PISD: variants seen among roughly 807,000 people sequenced by gnomAD.
The protein encoded by PISD is phosphatidylserine decarboxylase.
PISD carries 31 observed loss-of-function variants against 43.5 expected under a neutral mutation model. The observed-to-expected ratio is 0.71, with a 90% CI of 0.54 to 0.96. The LOEUF is 0.96. Among genes scored for constraint, PISD ranks in the 40% least tolerant of loss-of-function variants. The pLI is 0.00. For synonymous variants in PISD, 259 were observed against 228.7 expected, an observed-to-expected ratio of 1.13 and a Z score of -1.20; for missense variants, 523 against 548.4, an observed-to-expected ratio of 0.95 and a Z score of 0.46.
At chr22:31,656,538 A>G (rs1409276897) in intron 1 of PISD, among the ~76,000 whole-genome samples, 1 of 151,558 alleles carries the variant, frequency 6.6e-6, no homozygotes, top group East Asian at 1.9e-4. Context: ...AGTCCCAGCT[A>G]CTCAGGACGC....
chr22:31,647,461 T>C (rs1342817216), intron 3 of PISD, among the ~76,000 whole-genome samples: 1 of 152,204 alleles, frequency 6.6e-6, no homozygotes, highest in Non-Finnish European at 1.5e-5. Flanking sequence ...GACCTATTAC[T>C]GGTCCTTTGA....
intron 3 of PISD, among the ~76,000 whole-genome samples, chr22:31,627,480 A>C (rs2072971511): frequency 6.6e-6 from 1 of 152,208 alleles, no homozygotes; most frequent in East Asian, 1.9e-4. Flanking sequence ...CTGGCCCACC[A>C]GGCTCCATGC....
intron 3 of PISD, among the ~76,000 whole-genome samples, chr22:31,625,027 T>C (rs2072823540): frequency 6.6e-6 from 1 of 152,138 alleles, no homozygotes; most frequent in African/African-American, 2.4e-5. Flanking sequence ...CAGGTCTCAG[T>C]TTCCTCATCT....
intron 3 of PISD, chr22:31,623,549 C>G (rs949475569): frequency 2.2e-6 from 2 of 922,194 alleles, no homozygotes; most frequent in Non-Finnish European, 3.2e-6. Flanking sequence ...AATGAACCTT[C>G]CGACCCGGAC....
intron 2 of PISD, among the ~76,000 whole-genome samples, chr22:31,650,200 G>C (rs535102561): frequency 1.3e-5 from 2 of 152,096 alleles, no homozygotes; most frequent in Non-Finnish European, 2.9e-5. Flanking sequence ...TAATGAGGCC[G>C]GGCACGGTGG....
chr22:31,648,176 C>T lies in PISD; in HGVS notation c.246G>A (p.Gln82=), dbSNP rs755574124. The T allele has an allele frequency of 1.2e-6, 2 of 1,612,616 alleles. No homozygotes were observed. Among genetic ancestry groups the T allele is most frequent in the South Asian group, 2.2e-5 (2 of 91,024 alleles). The change falls in exon 3 of 8, where the codon CAG becomes CAA. Residue 82 remains glutamine, a synonymous_variant. Coordinates refer to ENST00000439502, the MANE Select transcript of PISD (RefSeq NM_001326411.2). ...GCTCTCGCTCCCTGTACTTCTCATACTGCCGGTACCCTGCATACCCGCCGC... is the reference window on the plus strand; with the variant it reads ...GCTCTCGCTCCCTGTACTTCTCATATTGCCGGTACCCTGCATACCCGCCGC... ...VTGGGYAGYR[Q]YEKYRERELE...
rs57244207 is a variant in PISD, at chr22:31,618,708, TA to T, written c.*903del. On this transcript the variant is annotated 3_prime_UTR_variant, in exon 8 of 8. Coordinates refer to ENST00000439502, the MANE Select transcript of PISD (RefSeq NM_001326411.2). ...GGGCTCCCCAGGCCTGCGTTCCTGATAAACTGGGACAGGTTTTCCAGGCACT... is the reference window on the plus strand; with the variant it reads ...GGGCTCCCCAGGCCTGCGTTCCTGATAACTGGGACAGGTTTTCCAGGCACT... 0.069 allele frequency: 20,638 copies of T among 297,818 alleles called. 891 individuals are homozygous for T. The highest frequency in any genetic ancestry group is 0.14 in the African/African-American group (6,606 of 46,218). The allele number at this position is 297,818 out of a possible 1,614,324, so 18.4% of individuals were successfully genotyped here.
chr22:31,649,604 G>A (rs1306335440), intron 2 of PISD, among the ~76,000 whole-genome samples: 2 of 152,016 alleles, frequency 1.3e-5, no homozygotes, highest in Non-Finnish European at 2.9e-5. Context: ...ATGGTGGTGG[G>A]TGCCTGTAGC....
chr22:31,642,854 G>A (rs1306257557), intron 3 of PISD, among the ~76,000 whole-genome samples: 1 of 147,946 alleles, frequency 6.8e-6, no homozygotes, highest in Non-Finnish European at 1.5e-5. Flanking sequence ...TGTAATCCCA[G>A]CACTTTGGGA....
chr22:31,622,166 C>T (rs1004183754), intron 3 of PISD, among the ~76,000 whole-genome samples: 1 of 152,230 alleles, frequency 6.6e-6, no homozygotes, highest in African/African-American at 2.4e-5. Flanking sequence ...GAACGGGAGA[C>T]GCCCAGCAGT....
chr22:31,629,141 G>A (rs2073065291), intron 3 of PISD: 10 of 985,132 alleles, frequency 1.0e-5, no homozygotes, highest in South Asian at 9.4e-5. Flanking sequence ...CCCCCCCAGT[G>A]GAATGGAACA....
At chr22:31,648,041 G>A in intron 3 of PISD, 60 bp downstream of exon 3, 1 of 1,432,862 alleles carries the variant, frequency 7.0e-7, no homozygotes, top group Non-Finnish European at 9.6e-7. Context: ...GGAACAACTG[G>A]AAAAGTGACA....
chr22:31,662,311 G>T (rs1190959713), upstream of PISD: 2 of 1,225,202 alleles, frequency 1.6e-6, no homozygotes, highest in African/African-American at 2.9e-5. Flanking sequence ...AAAAGCGCGG[G>T]TTGGGGGCGG....
At chr22:31,641,778 C>A (rs1379177406) in intron 3 of PISD, among the ~76,000 whole-genome samples, 1 of 151,078 alleles carries the variant, frequency 6.6e-6, no homozygotes, top group African/African-American at 2.5e-5. Flanking sequence ...TGAGATCGCG[C>A]CACTGCACTC....
intron 3 of PISD, chr22:31,628,870 C>T: frequency 4.1e-6 from 4 of 985,446 alleles, no homozygotes; most frequent in Non-Finnish European, 4.8e-6. Context: ...TCCAAAAAGT[C>T]AACCTCACAC....
At chr22:31,661,771 T>C (rs548324348) in intron 1 of PISD, among the ~76,000 whole-genome samples, 1 of 152,188 alleles carries the variant, frequency 6.6e-6, no homozygotes, top group African/African-American at 2.4e-5. Context: ...TGACACTCAA[T>C]CTAGTGTCCT....
upstream of PISD, chr22:31,662,278 C>A (rs2074345252): frequency 6.7e-7 from 1 of 1,494,512 alleles, no homozygotes; most frequent in Non-Finnish European, 9.2e-7. Context: ...CGTCACGAGT[C>A]TCGAGTTCAG....
chr22:31,625,889 C>G, intron 3 of PISD: 1 of 1,546,846 alleles, frequency 6.5e-7, no homozygotes, highest in South Asian at 1.2e-5. Flanking sequence ...CCCCTTCCCC[C>G]GAGCCAGCAG....
chr22:31,635,922 T>C (rs1222236970), intron 3 of PISD, among the ~76,000 whole-genome samples: 3 of 152,168 alleles, frequency 2.0e-5, no homozygotes, highest in Non-Finnish European at 2.9e-5. Flanking sequence ...AGAAGTAAAA[T>C]AGTACTAAAG....
Sources: gnomAD v4.1 joint callset for allele counts (sites outside exome capture counted in the v4.1 genomes callset) on GRCh38, gnomAD v4.1.1 for gene constraint, MANE v1.5 for transcripts, NCBI Gene and HGNC (gene_info 2026-07-23, HGNC 2026-07-21) for gene names.